The following ERCC6 variants were observed in gnomAD, a reference collection of about 807,000 sequenced individuals.
The protein encoded by ERCC6 is DNA excision repair protein ERCC-6.
In ERCC6, 116 loss-of-function variants were observed where a neutral mutation model predicts 158.7. The ratio of observed to expected loss-of-function variants is 0.73; its 90% CI spans 0.63 to 0.85. The LOEUF is 0.85. Among genes scored for constraint, ERCC6 ranks in the 40% least tolerant of loss-of-function variants. The probability of loss-of-function intolerance (pLI) is 0.00; values close to 1 mark genes in which losing one functional copy is unlikely to be tolerated. For synonymous variants in ERCC6, 678 were observed against 659.3 expected, an observed-to-expected ratio of 1.03 and a Z score of -0.43; for missense variants, 1,698 against 1,799.4, an observed-to-expected ratio of 0.94 and a Z score of 1.02.
chr10:49,524,829 T>C, intron 4 of ERCC6, 52 bp from the exon 5 acceptor site: 1 of 1,595,542 alleles, frequency 6.3e-7, no homozygotes. Context: ...TTTCCGAGGG[T>C]ACAAAAGAAA....
chr10:49,497,994 C>T lies in ERCC6; in HGVS notation c.1685+2544G>A, dbSNP rs1425876253. ...TAAAAAATTAACTGAGTTTGAAAGT[C>T]AATTTATTTCCTTTTCATTATAAGA... On this transcript the variant is annotated intron_variant, in intron 7 of 20. Transcript: ENST00000355832. Among the ~76,000 whole-genome samples, 3 of 152,184 alleles carry T rather than the reference C, an allele frequency of 2.0e-5. No individual in the cohort carries two copies. In the East Asian group the frequency reaches 5.8e-4, roughly 29 times the overall value.
chr10:49,483,331 TAAAAGA>T lies in ERCC6; in HGVS notation c.1992+9_1992+14del. On this transcript the variant is annotated intron_variant, in intron 9 of 20. Coordinates refer to ENST00000355832, the MANE Select transcript of ERCC6 (RefSeq NM_000124.4). ...TTCTCCACTTGGAAATCTCCCTTGT[TAAAAGA>T]GGTCATACCTGTTTGCAAGCAAGGG... 1 of 1,613,868 alleles carries T rather than the reference TAAAAGA, an allele frequency of 6.2e-7. No homozygotes were observed. Among genetic ancestry groups the T allele is most frequent in the Non-Finnish European group, 8.5e-7 (1 of 1,179,754 alleles).
intron 5 of ERCC6, chr10:49,517,064 A>T (rs1449789090): frequency 6.2e-7 from 1 of 1,611,212 alleles, no homozygotes; most frequent in Admixed American, 1.7e-5. Context: ...CTATGCTGTC[A>T]TCTGTCTCTA....
chr10:49,455,123 A>G lies in ERCC6; in HGVS notation c.*3692T>C, dbSNP rs1235132153. ...ACAAAATAGATATGTGAATATGCTAATTCTCCATATTTTTATGTAAGTTAA... is the reference window on the plus strand; with the variant it reads ...ACAAAATAGATATGTGAATATGCTAGTTCTCCATATTTTTATGTAAGTTAA... On this transcript the variant is annotated 3_prime_UTR_variant, in exon 21 of 21. Coordinates refer to ENST00000355832, the MANE Select transcript of ERCC6 (RefSeq NM_000124.4). Among the ~76,000 whole-genome samples, 1 of 152,190 alleles carries G rather than the reference A, an allele frequency of 6.6e-6. No individual in the cohort carries two copies. Among genetic ancestry groups the G allele is most frequent in the African/African-American group, 2.4e-5 (1 of 41,454 alleles).
At chr10:49,469,317 G>T (rs1290467934) in intron 18 of ERCC6, among the ~76,000 whole-genome samples, 1 of 152,122 alleles carries the variant, frequency 6.6e-6, no homozygotes, top group East Asian at 1.9e-4. Flanking sequence ...AAACCAGCAT[G>T]TGTCTCCTGA....
chr10:49,498,310 A>G (rs909133897), intron 7 of ERCC6, among the ~76,000 whole-genome samples: 1 of 152,206 alleles, frequency 6.6e-6, no homozygotes, highest in Non-Finnish European at 1.5e-5. Flanking sequence ...ACAGTTTGTA[A>G]GAGTTCACAG....
At chr10:49,528,561 T>G in intron 3 of ERCC6, 36 bp from the exon 4 acceptor site, 1 of 1,610,364 alleles carries the variant, frequency 6.2e-7, no homozygotes, top group Non-Finnish European at 8.5e-7. Flanking sequence ...AAAACAGCAA[T>G]GAAGTGATTT....
chr10:49,438,139 C>T, the ERCC6 span, among the ~76,000 whole-genome samples: 69 of 152,256 alleles, frequency 4.5e-4, no homozygotes, highest in African/African-American at 1.3e-3. Flanking sequence ...CAGTGTGGAC[C>T]CCAGGGACAG....
rs369864700 is a variant in ERCC6, at chr10:49,474,226, A to C, written c.2399T>G (p.Ile800Arg). ...GTGGTTGCAAATTTTTCTTAGGGCT[A>C]TAAGTCCGGAGAAAATCTGTGGTAA... ...NGEMQIFSGL[I>R]ALRKICNHPD... is the part of the protein sequence containing the mutation. The change falls in exon 13 of 21, where the codon ATA (isoleucine) becomes AGA (arginine). Residue 800 changes from isoleucine (I) to arginine (R), a missense_variant. Physicochemically the swap from Ile to Arg is moderately conservative, Grantham distance 97. Coordinates refer to ENST00000355832, the MANE Select transcript of ERCC6 (RefSeq NM_000124.4). The C allele has an allele frequency of 2.5e-6, 4 of 1,613,880 alleles. No homozygotes were observed. Among genetic ancestry groups the C allele is most frequent in the Non-Finnish European group, 3.4e-6 (4 of 1,179,892 alleles).
At chr10:49,488,508 T>C (rs993788153) in intron 8 of ERCC6, 2 of 152,204 alleles carry the variant, frequency 1.3e-5, no homozygotes, top group Non-Finnish European at 2.9e-5. Context: ...CCAGCATCTA[T>C]CATGTCTTCT....
intron 4 of ERCC6, 60 bp downstream of exon 4, chr10:49,528,357 T>C: frequency 3.8e-6 from 6 of 1,587,840 alleles, no homozygotes; most frequent in Non-Finnish European, 5.2e-6. Context: ...CACCCTCCAC[T>C]GACTACAGGC....
chr10:49,470,300 A>G lies in ERCC6; in HGVS notation c.3660T>C (p.Thr1220=). 1.2e-6 allele frequency: 2 copies of G among 1,614,038 alleles called. No homozygotes were observed. The highest frequency in any genetic ancestry group is 1.7e-6 in the Non-Finnish European group (2 of 1,179,994). ...TTTTCTTCACCAGGTGTGGAATTCG[A>G]GTTCCTTCAAACTTGGCGTCTCTGC... ...KHCRDAKFEG[T]RIPHLVKKRR... Residue 1220 remains threonine (T), a synonymous_variant, in exon 18 of 21, where the codon ACT becomes ACC. Transcript: ENST00000355832.
Position 49,461,472 on chromosome 10 carries a change from C to A in ERCC6, c.3863G>T (p.Arg1288Leu). Residue 1288 changes from arginine (R) to leucine (L), a missense_variant, in exon 19 of 21, where the codon CGA becomes CTA. Coordinates refer to ENST00000355832, the MANE Select transcript of ERCC6 (RefSeq NM_000124.4). ...TGCTTTCAGGGCATCCTGGGCCACTCGGTTGGCTTCTGCCTCCACCAGTAC... is the reference window on the plus strand; with the variant it reads ...TGCTTTCAGGGCATCCTGGGCCACTAGGTTGGCTTCTGCCTCCACCAGTAC... ...DYVLVEAEAN[R>L]VAQDALKALR... 6.2e-7 allele frequency: 1 copy of A among 1,614,134 alleles called. No individual in the cohort carries two copies. The highest frequency in any genetic ancestry group is 8.5e-7 in the Non-Finnish European group (1 of 1,180,012).
rs1054617930 is a variant in ERCC6, at chr10:49,483,431, C to T, written c.1907G>A (p.Ser636Asn). Residue 636 changes from serine (S) to asparagine (N), a missense_variant, in exon 9 of 21, where the codon AGC (serine) becomes AAC (asparagine). By Grantham distance (46) the Ser-to-Asn change is conservative. Transcript: ENST00000355832. Reference protein sequence around the residue: ...SYIRLMQDDISRYDWHYVILD... With the variant: ...SYIRLMQDDINRYDWHYVILD... ...GATCACATAGTGCCAGTCATACCTG[C>T]TAATGTCATCCTGCATCAATCGAAT... 2.5e-6 allele frequency: 4 copies of T among 1,613,972 alleles called. No homozygotes were observed. In the African/African-American group the frequency reaches 4.0e-5, roughly 16 times the overall value.
intron 7 of ERCC6, among the ~76,000 whole-genome samples, chr10:49,498,285 A>G (rs1413109453): frequency 2.0e-5 from 3 of 152,222 alleles, no homozygotes; most frequent in African/African-American, 7.2e-5. Context: ...AATCATCTCA[A>G]ATTAGGGCCC....
In ERCC6 at chr10:49,483,415, G is replaced by A. The variant is rs757815168; in HGVS notation, c.1923C>T (p.His641=). 36 of 1,614,142 alleles carry A rather than the reference G, an allele frequency of 2.2e-5. No homozygotes were observed. Among genetic ancestry groups the A allele is most frequent in the Non-Finnish European group, 3.0e-5 (35 of 1,180,000 alleles). Residue 641 remains histidine (H), a synonymous_variant, in exon 9 of 21, where the codon CAC becomes CAT. Coordinates refer to ENST00000355832, the MANE Select transcript of ERCC6 (RefSeq NM_000124.4). ...TGTGTCCTTCGTCCAAGATCACATA[G>A]TGCCAGTCATACCTGCTAATGTCAT... ...MQDDISRYDW[H]YVILDEGHKI... is the part of the protein sequence containing the mutation.
chr10:49,530,885 T>C, intron 2 of ERCC6, 45 bp from the exon 3 acceptor site: 2 of 1,606,122 alleles, frequency 1.2e-6, no homozygotes, highest in South Asian at 1.1e-5. Context: ...TGATAACATT[T>C]TTATAGCATA....
chr10:49,490,628 C>T (rs1793408411), intron 8 of ERCC6, among the ~76,000 whole-genome samples: 2 of 152,222 alleles, frequency 1.3e-5, no homozygotes, highest in South Asian at 4.1e-4. Flanking sequence ...GCTGGGATTA[C>T]AGGCATGAGC....
chr10:49,512,280 A>G (rs988352604), intron 5 of ERCC6, among the ~76,000 whole-genome samples: 2 of 152,088 alleles, frequency 1.3e-5, no homozygotes. Flanking sequence ...CCAAAAGAGA[A>G]GACACAAAAG....
Sources: allele counts gnomAD v4.1 joint callset (sites outside exome capture counted in the v4.1 genomes callset), GRCh38; gene constraint gnomAD v4.1.1; transcripts MANE v1.5; gene names NCBI Gene and HGNC (gene_info 2026-07-23, HGNC 2026-07-21).